AFF1: variants seen among roughly 807,000 people sequenced by gnomAD.
The protein encoded by AFF1 is AF4/FMR2 family member 1.
A neutral mutation model predicts 121.7 loss-of-function variants in AFF1; 48 were observed. That is an observed-to-expected ratio of 0.39 (90% CI 0.31 to 0.50). The LOEUF (loss-of-function observed/expected upper bound fraction) is 0.50, where lower values mean the gene tolerates loss of function less well. AFF1 is among the 20% of genes least tolerant of loss of function. AFF1 has a pLI of 0.76. For synonymous variants in AFF1, 613 were observed against 563.0 expected (o/e 1.09, Z -1.26); for missense variants, 1,523 against 1,511.7 (o/e 1.01, Z -0.12).
At chr4:87,127,497 C>CTT (rs1728398940) in intron 15 of AFF1, 146 bp from the exon 16 acceptor site, 15 of 723,714 alleles carry the variant, frequency 2.1e-5, no homozygotes, top group Non-Finnish European at 3.3e-5. Context: ...TTCCTCCTCC[C>CTT]CTCCTTATTT....
In AFF1 at chr4:87,076,636, A is replaced by G. The variant is rs1177705620; in HGVS notation, c.1060-7484A>G. ...TGTAATCCATCACCCCTCCATCCAT[A>G]TTAATCTTTAGCATGGCTGTTTTTT... On this transcript the variant is annotated intron_variant, in intron 4 of 20. Transcript: ENST00000395146. Among the ~76,000 whole-genome samples the G allele has an allele frequency of 2.6e-5, 4 of 152,302 alleles. No homozygotes were observed. In the East Asian group the frequency reaches 7.7e-4, roughly 29 times the overall value.
At chr4:87,130,520 A>G (rs1329322699) in intron 16 of AFF1, among the ~76,000 whole-genome samples, 1 of 152,134 alleles carries the variant, frequency 6.6e-6, no homozygotes, top group Non-Finnish European at 1.5e-5. Context: ...CATTCCCTTT[A>G]AGGGACTCTG....
chr4:86,965,739 A>G (rs780317654), intron 2 of AFF1, among the ~76,000 whole-genome samples: 1 of 152,076 alleles, frequency 6.6e-6, no homozygotes, highest in Non-Finnish European at 1.5e-5. Flanking sequence ...GTATTTGCAT[A>G]CGCCTTCCCT....
At chr4:87,088,575 G>A (rs923971158) in intron 5 of AFF1, among the ~76,000 whole-genome samples, 4 of 151,658 alleles carry the variant, frequency 2.6e-5, no homozygotes, top group African/African-American at 9.7e-5. Flanking sequence ...ATGCTGTGGG[G>A]TCGCAGATTG....
chr4:87,080,455 A>G (rs1723055195), intron 4 of AFF1, among the ~76,000 whole-genome samples: 2 of 152,206 alleles, frequency 1.3e-5, no homozygotes, highest in Non-Finnish European at 2.9e-5. Flanking sequence ...TTCTTTGACC[A>G]TGGTGTTAAA....
chr4:87,119,109 C>T (rs940584544), intron 12 of AFF1, among the ~76,000 whole-genome samples: 2 of 152,148 alleles, frequency 1.3e-5, no homozygotes, highest in African/African-American at 4.8e-5. Context: ...CCTCCAGACC[C>T]TATTCTCCTG....
chr4:86,958,312 A>G (rs1459382503), intron 2 of AFF1, among the ~76,000 whole-genome samples: 2 of 151,790 alleles, frequency 1.3e-5, no homozygotes, highest in Admixed American at 1.3e-4. Context: ...GCTGGTCTCA[A>G]ACTCCTGACC....
chr4:87,115,122 T>A lies in AFF1; in HGVS notation c.2289T>A (p.Pro763=). ...TKLLSPLRDT[P]PPQSLMVKIT... is the part of the protein sequence containing the mutation. ...TGCTCTCACCGCTCAGGGACACTCC[T>A]CCCCCACAAAGCTTGATGGTGAAGA... The change falls in exon 12 of 21, where the codon CCT becomes CCA. Residue 763 remains proline (P), a synonymous_variant. Coordinates refer to ENST00000395146, the MANE Select transcript of AFF1 (RefSeq NM_001166693.3). 1 of 1,613,670 alleles carries A rather than the reference T, an allele frequency of 6.2e-7. No individual in the cohort carries two copies. Among genetic ancestry groups the A allele is most frequent in the Non-Finnish European group, 8.5e-7 (1 of 1,179,908 alleles).
intron 4 of AFF1, among the ~76,000 whole-genome samples, chr4:87,069,082 C>CTT (rs1721687485): frequency 6.6e-6 from 1 of 152,048 alleles, no homozygotes. Flanking sequence ...CTCTTCTTTT[C>CTT]TTTTGCCCCC....
At chr4:87,091,056 C>CA (rs1304738155) in intron 6 of AFF1, among the ~76,000 whole-genome samples, 4 of 139,750 alleles carry the variant, frequency 2.9e-5, no homozygotes, top group Non-Finnish European at 6.2e-5. Context: ...GTTCTATCTA[C>CA]AAAAACTCAA....
chr4:86,983,183 G>A (rs1723912230), intron 2 of AFF1, among the ~76,000 whole-genome samples: 1 of 152,114 alleles, frequency 6.6e-6, no homozygotes, highest in Non-Finnish European at 1.5e-5. Flanking sequence ...TTGAAGTCAG[G>A]AGTTTAAGAC....
At chr4:87,113,160 G>A (rs1355430374) in intron 11 of AFF1, among the ~76,000 whole-genome samples, 1 of 152,222 alleles carries the variant, frequency 6.6e-6, no homozygotes, top group Non-Finnish European at 1.5e-5. Context: ...TAACGAGCCA[G>A]GAACCTATGT....
chr4:87,137,119 CAT>C lies in AFF1; in HGVS notation c.*1419_*1420del, dbSNP rs1274831163. 4.4e-6 allele frequency: 1 copy of C among 226,252 alleles called. No individual in the cohort carries two copies. Among genetic ancestry groups the C allele is most frequent in the African/African-American group, 2.2e-5 (1 of 44,932 alleles). The allele number at this position is 226,252 out of a possible 1,614,324, so 14.0% of individuals were successfully genotyped here. A position where few individuals can be genotyped will look rare whatever the true frequency, so the allele number is the denominator to read the frequency against. On this transcript the variant is annotated 3_prime_UTR_variant, in exon 21 of 21. Coordinates refer to ENST00000395146, the MANE Select transcript of AFF1 (RefSeq NM_001166693.3). The stretch of plus-strand genomic sequence containing the variant: ...AAACTTTAAAGGTTATTATTGGAAA[CAT>C]TACTTTGAGTGCAGTGTTTTTAAAA...
chr4:86,981,643 T>A (rs1278346221), intron 2 of AFF1, among the ~76,000 whole-genome samples: 1 of 152,198 alleles, frequency 6.6e-6, no homozygotes, highest in Non-Finnish European at 1.5e-5. Flanking sequence ...GTGCTGGGAT[T>A]ACAGGTATGA....
intron 6 of AFF1, among the ~76,000 whole-genome samples, 171 bp from the exon 7 acceptor site, chr4:87,091,622 A>G (rs1211560609): frequency 1.3e-5 from 2 of 152,224 alleles, no homozygotes; most frequent in Admixed American, 6.5e-5. Flanking sequence ...TAATGAAATA[A>G]TTATAGAATC....
Position 87,127,021 on chromosome 4 carries a change from TGA to T in AFF1, c.2812-4_2812-3del. 1.2e-6 allele frequency: 2 copies of T among 1,613,192 alleles called. No homozygotes were observed. The highest frequency in any genetic ancestry group is 3.3e-5 in the Admixed American group (2 of 59,922). On this transcript the variant is annotated splice_region_variant and splice_polypyrimidine_tract_variant and intron_variant, in intron 14 of 20. Transcript: ENST00000395146. ...GTAATCTGTATATTGATTTTTTTTT[TGA>T]AGGGTTCTTCCGGAGATACTGCAAA...
chr4:87,045,424 C>T (rs1243235640), intron 2 of AFF1, among the ~76,000 whole-genome samples: 12 of 151,666 alleles, frequency 7.9e-5, no homozygotes, highest in Non-Finnish European at 7.4e-5. Flanking sequence ...TTTTGGTCTC[C>T]ATCTCTGATT....
chr4:86,949,759 C>T, intron 2 of AFF1: 1 of 1,611,770 alleles, frequency 6.2e-7, no homozygotes, highest in African/African-American at 1.3e-5. Context: ...CCCAGATGGT[C>T]ATCTGGGTGA....
chr4:86,950,607 T>A (rs772955343), intron 2 of AFF1, among the ~76,000 whole-genome samples: 2 of 152,226 alleles, frequency 1.3e-5, no homozygotes, highest in Non-Finnish European at 2.9e-5. Flanking sequence ...TGCCTGCAAT[T>A]GTGGACCATC....
Sources: allele counts gnomAD v4.1 joint callset (sites outside exome capture counted in the v4.1 genomes callset), GRCh38; gene constraint gnomAD v4.1.1; transcripts MANE v1.5; gene names NCBI Gene and HGNC (gene_info 2026-07-23, HGNC 2026-07-21).